The following CDC42BPB variants were observed in gnomAD, a reference collection of about 807,000 sequenced individuals.
The protein encoded by CDC42BPB is serine/threonine-protein kinase MRCK beta.
A neutral mutation model predicts 214.9 loss-of-function variants in CDC42BPB; 37 were observed. The observed-to-expected ratio is 0.17, with a 90% CI of 0.13 to 0.23. The LOEUF (loss-of-function observed/expected upper bound fraction) is 0.23. Among genes scored for constraint, CDC42BPB ranks in the 10% least tolerant of loss-of-function variants. The pLI, the probability that CDC42BPB is intolerant of heterozygous loss-of-function variation, is 1.00. For synonymous variants in CDC42BPB, 931 were observed against 884.0 expected (o/e 1.05, Z -0.94); for missense variants, 1,694 against 2,227.0 (o/e 0.76, Z 4.82).
At chr14:102,974,613 G>A (rs1025733127) in intron 11 of CDC42BPB, among the ~76,000 whole-genome samples, 2 of 152,222 alleles carry the variant, frequency 1.3e-5, no homozygotes, top group Non-Finnish European at 2.9e-5. Context: ...GTGTGCTTTG[G>A]AGGTGAAGGT....
At chr14:103,053,636 C>A (rs1157390531) in intron 1 of CDC42BPB, among the ~76,000 whole-genome samples, 1 of 151,018 alleles carries the variant, frequency 6.6e-6, no homozygotes, top group Non-Finnish European at 1.5e-5. Context: ...ATGGCGGGCG[C>A]CTGTAGTCCC....
chr14:103,053,605 C>A (rs1292015491), intron 1 of CDC42BPB, among the ~76,000 whole-genome samples: 1 of 149,766 alleles, frequency 6.7e-6, no homozygotes, highest in Admixed American at 6.6e-5. Flanking sequence ...ACTAAAAATA[C>A]AAAAAAATTA....
chr14:103,022,372 G>C lies in CDC42BPB; in HGVS notation c.176-10184C>G, dbSNP rs112051763. Among the ~76,000 whole-genome samples, 770 of 152,216 alleles carry C rather than the reference G, an allele frequency of 5.1e-3. 11 individuals are homozygous for C. Among genetic ancestry groups the C allele is most frequent in the African/African-American group, 0.017 (719 of 41,530 alleles). On this transcript the variant is annotated intron_variant, in intron 1 of 36. Coordinates refer to ENST00000361246, the MANE Select transcript of CDC42BPB (RefSeq NM_006035.4). ...AGAACCCTGAAGAGTTCTTGTTGCT[G>C]TTGTTTTTGAGACAGGGTTTCACTC...
At chr14:102,987,788 AACACACACACACAC>A (rs57579935) in intron 5 of CDC42BPB, among the ~76,000 whole-genome samples, 18 of 140,760 alleles carry the variant, frequency 1.3e-4, no homozygotes, top group African/African-American at 4.5e-4. Flanking sequence ...CAAACACACA[AACACACACACACAC>A]ACACACACAC....
rs1056115996 is a variant in CDC42BPB, at chr14:103,053,496, T to C, written c.175+3503A>G. 3.1e-4 allele frequency among the ~76,000 whole-genome samples: 47 copies of C among 152,100 alleles called. No homozygotes were observed. The South Asian group carries it at 5.4e-3, about 17-fold the overall frequency. On this transcript the variant is annotated intron_variant, in intron 1 of 36. Transcript: ENST00000361246. Reference sequence around the variant, plus strand: ...AAATGACTCGGCCAGGCACGGTGGCTCACACCTGTAATCCAAGAACTTTGG... The same window carrying C: ...AAATGACTCGGCCAGGCACGGTGGCCCACACCTGTAATCCAAGAACTTTGG...
At chr14:102,964,784 G>A in intron 18 of CDC42BPB, 134 bp from the exon 19 acceptor site, 1 of 1,319,132 alleles carries the variant, frequency 7.6e-7, no homozygotes, top group Non-Finnish European at 9.6e-7. Context: ...AAATTATGGA[G>A]GTGCCTCAGG....
At chr14:102,950,752 G>A in intron 24 of CDC42BPB, 150 bp from the exon 25 acceptor site, 2 of 1,287,540 alleles carry the variant, frequency 1.6e-6, no homozygotes, top group Non-Finnish European at 2.0e-6. Context: ...GACCACTTGA[G>A]GTCAGCAGTT....
rs995039471 is a variant in CDC42BPB at position 102,983,490 on chromosome 14, G to C, written c.891+66C>G. On this transcript the variant is annotated intron_variant, in intron 7 of 36. Coordinates refer to ENST00000361246, the MANE Select transcript of CDC42BPB (RefSeq NM_006035.4). ...CTTCCTAACGGATCTTCCTGCACTAGTTGTGCTCTCTGTACTTTAGGCCTG... is the reference window on the plus strand; with the variant it reads ...CTTCCTAACGGATCTTCCTGCACTACTTGTGCTCTCTGTACTTTAGGCCTG... The C allele has an allele frequency of 1.1e-5, 18 of 1,586,060 alleles. No individual in the cohort carries two copies. The African/African-American group carries it at 2.5e-4, about 22-fold the overall frequency.
At chr14:102,953,639 T>C (rs980581897) in intron 23 of CDC42BPB, among the ~76,000 whole-genome samples, 1 of 152,124 alleles carries the variant, frequency 6.6e-6, no homozygotes, top group Non-Finnish European at 1.5e-5. Context: ...CTGATCTGCG[T>C]TGATGTTTAT....
At chr14:102,995,729 C>T (rs1014317500) in intron 5 of CDC42BPB, among the ~76,000 whole-genome samples, 6 of 152,244 alleles carry the variant, frequency 3.9e-5, no homozygotes, top group Non-Finnish European at 8.8e-5. Flanking sequence ...GGGGCCCAAG[C>T]GGCAGCACAG....
Position 102,991,129 on chromosome 14 carries a change from T to C in CDC42BPB, c.597-4549A>G, listed in dbSNP as rs1595115817. ...GTATCTCCCCACAGGGAAAAAACTA[T>C]ATAGCAGAAAAATCTAACAAAATCT... On this transcript the variant is annotated intron_variant, in intron 5 of 36. Coordinates refer to ENST00000361246, the MANE Select transcript of CDC42BPB (RefSeq NM_006035.4). Among the ~76,000 whole-genome samples, 5 of 152,344 alleles carry C rather than the reference T, an allele frequency of 3.3e-5. No individual in the cohort carries two copies. The South Asian group carries it at 8.3e-4, about 25-fold the overall frequency.
In CDC42BPB at chr14:103,003,981, C is replaced by T. The variant is rs777760721; in HGVS notation, c.394G>A (p.Asp132Asn). Reference protein sequence around the residue: ...REERDVLVNGDCQWITALHYA... With the variant: ...REERDVLVNGNCQWITALHYA... ...TGCAGCGCGGTGATCCACTGGCAGTCGCCGTTCACCAGCACATCGCGCTCC... is the reference window on the plus strand; with the variant it reads ...TGCAGCGCGGTGATCCACTGGCAGTTGCCGTTCACCAGCACATCGCGCTCC... The change falls in exon 4 of 37, where the codon GAC becomes AAC. Residue 132 changes from aspartate to asparagine, a missense_variant. Asp to Asn is a conservative substitution (Grantham distance 23, BLOSUM62 1). Coordinates refer to ENST00000361246, the MANE Select transcript of CDC42BPB (RefSeq NM_006035.4). 4 of 1,610,292 alleles carry T rather than the reference C, an allele frequency of 2.5e-6. No homozygotes were observed. The highest frequency in any genetic ancestry group is 2.2e-5 in the East Asian group (1 of 44,872).
chr14:102,971,844 A>C (rs1414705918), intron 13 of CDC42BPB, 75 bp downstream of exon 13: 11 of 1,495,504 alleles, frequency 7.4e-6, no homozygotes, highest in Non-Finnish European at 1.0e-5. Context: ...AATGCAGCCC[A>C]AGATTTCAAA....
At chr14:102,939,751 G>T in intron 33 of CDC42BPB, 24 bp from the exon 34 acceptor site, 2 of 1,614,138 alleles carry the variant, frequency 1.2e-6, no homozygotes, top group Non-Finnish European at 1.7e-6. Flanking sequence ...ACACTTTTGA[G>T]ATTCATGGAT....
chr14:102,970,052 G>T, intron 14 of CDC42BPB, 99 bp downstream of exon 14: 1 of 960,232 alleles, frequency 1.0e-6, no homozygotes, highest in Non-Finnish European at 1.6e-6. Flanking sequence ...GTGACACTCG[G>T]CCCGGACCAC....
chr14:103,002,663 C>T (rs964228791), intron 4 of CDC42BPB, among the ~76,000 whole-genome samples: 1 of 152,084 alleles, frequency 6.6e-6, no homozygotes, highest in African/African-American at 2.4e-5. Context: ...GGAACCTGCT[C>T]GCCAGGCTGG....
chr14:102,958,789 A>G (rs953207672), intron 21 of CDC42BPB, among the ~76,000 whole-genome samples: 3 of 152,036 alleles, frequency 2.0e-5, no homozygotes, highest in African/African-American at 7.2e-5. Flanking sequence ...GCCGAACTCT[A>G]CAGCTACACA....
chr14:103,042,606 G>A (rs577832401), intron 1 of CDC42BPB, among the ~76,000 whole-genome samples: 6 of 152,268 alleles, frequency 3.9e-5, no homozygotes, highest in Admixed American at 6.5e-5. Context: ...CACTATGCCC[G>A]GCCAAGACAA....
At chr14:103,019,157 C>T (rs1356812564) in intron 1 of CDC42BPB, among the ~76,000 whole-genome samples, 1 of 152,080 alleles carries the variant, frequency 6.6e-6, no homozygotes, top group Non-Finnish European at 1.5e-5. Flanking sequence ...TGGTCTAGAA[C>T]TCCTGGGCTC....
Sources: allele counts gnomAD v4.1 joint callset (sites outside exome capture counted in the v4.1 genomes callset), GRCh38; gene constraint gnomAD v4.1.1; transcripts MANE v1.5; gene names NCBI Gene and HGNC (gene_info 2026-07-23, HGNC 2026-07-21).